FER1L5: variants seen among roughly 807,000 people sequenced by gnomAD.
FER1L5 encodes the protein fer-1-like protein 5.
A neutral mutation model predicts 279.9 loss-of-function variants in FER1L5; 187 were observed. The observed-to-expected ratio is 0.67, with a 90% confidence interval of 0.59 to 0.75. FER1L5 has a LOEUF of 0.75. FER1L5 is among the 30% of genes least tolerant of loss of function. The pLI is 0.00. For synonymous variants in FER1L5, 921 were observed against 989.7 expected (o/e 0.93, Z 1.30); for missense variants, 2,091 against 2,594.4 (o/e 0.81, Z 4.21).
intron 31 of FER1L5, 131 bp downstream of exon 31, chr2:96,692,312 C>T: frequency 3.2e-6 from 3 of 952,226 alleles, no homozygotes; most frequent in Admixed American, 2.1e-5. Context: ...CGGCCCCTCA[C>T]CAGCTGCAAG....
intron 39 of FER1L5, 52 bp downstream of exon 39, chr2:96,697,813 C>A (rs1036238935): frequency 6.3e-7 from 1 of 1,587,724 alleles, no homozygotes. Context: ...CTGGAGGAGG[C>A]CAGCAGAGCT....
chr2:96,699,724 A>C lies in FER1L5; in HGVS notation c.4781+4A>C, dbSNP rs2077520947. The stretch of plus-strand genomic sequence containing the variant: ...GGCTCTCCAAATCCTACTGCCAGTG[A>C]GAGTGGGCCCGTCTGGGGGAAGGGA... On this transcript the variant is annotated splice_donor_region_variant and intron_variant, in intron 43 of 52. Transcript: ENST00000624922. 6.2e-7 allele frequency: 1 copy of C among 1,613,654 alleles called. No homozygotes were observed. Among genetic ancestry groups the C allele is most frequent in the South Asian group, 1.1e-5 (1 of 91,080 alleles).
chr2:96,649,369 C>T (rs2075272481), intron 4 of FER1L5, among the ~76,000 whole-genome samples: 1 of 152,140 alleles, frequency 6.6e-6, no homozygotes, highest in Non-Finnish European at 1.5e-5. Flanking sequence ...CCTTTTCTGC[C>T]ACCATCACCA....
chr2:96,651,984 A>G lies in FER1L5; in HGVS notation c.597A>G (p.Thr199=). The G allele has an allele frequency of 6.4e-7, 1 of 1,551,834 alleles. No individual in the cohort carries two copies. The highest frequency in any genetic ancestry group is 1.2e-5 in the South Asian group (1 of 84,064). Residue 199 remains threonine, a synonymous_variant, in exon 7 of 53, where the codon ACA becomes ACG. Transcript: ENST00000624922. ...CCATCGCAGGCCAGCAGCACCAGAC[A>G]CGCATCAAGATGGGAAACAACCCTT... The part of the protein sequence containing the change: ...KVSIAGQQHQ[T]RIKMGNNPFF...
intron 9 of FER1L5, chr2:96,655,000 T>G (rs4907200): frequency 0.77 from 116,745 of 151,922 alleles, 46,075 homozygotes; most frequent in African/African-American, 0.94. Flanking sequence ...TTCCTCATCT[T>G]TAAAAGGGAG....
chr2:96,647,569 A>C (rs1162387158), intron 3 of FER1L5, among the ~76,000 whole-genome samples: 1 of 152,132 alleles, frequency 6.6e-6, no homozygotes, highest in African/African-American at 2.4e-5. Context: ...ATCAACTGTT[A>C]CTTGCCTCGG....
intron 19 of FER1L5, among the ~76,000 whole-genome samples, chr2:96,680,549 C>T (rs1455945917): frequency 2.0e-5 from 3 of 151,860 alleles, no homozygotes; most frequent in African/African-American, 7.3e-5. Context: ...CCTTAGGTGA[C>T]CATTCTATTT....
In FER1L5 at chr2:96,698,592, G is replaced by T; in HGVS notation, c.4357-79G>T. ...CCCAACCCTCTCTCTCCTGAACATG[G>T]GCTGGGGCACCTCCCAGAGGGCTTT... On this transcript the variant is annotated intron_variant, in intron 40 of 52. Coordinates refer to ENST00000624922, the MANE Select transcript of FER1L5 (RefSeq NM_001293083.2). The surrounding 1 kb of genome is among the most constrained non-coding windows in gnomAD (Gnocchi z 5.5). 2 of 1,248,004 alleles carry T rather than the reference G, an allele frequency of 1.6e-6. No individual in the cohort carries two copies. The highest frequency in any genetic ancestry group is 2.3e-6 in the Non-Finnish European group (2 of 887,320). The allele number at this position is 1,248,004 out of a possible 1,614,324, so 77.3% of individuals were successfully genotyped here. A position where few individuals can be genotyped will look rare whatever the true frequency, so the allele number is the denominator to read the frequency against.
chr2:96,698,721 C>G lies in FER1L5; in HGVS notation c.4407C>G (p.Pro1469=). Residue 1469 remains proline, a synonymous_variant, in exon 41 of 53, where the codon CCC becomes CCG. Transcript: ENST00000624922. This position sits in a 1 kb window ranked among gnomAD's most constrained non-coding sequence, Gnocchi z 5.5. ...CTGAGAATCCAGAAGCCCCAAAGCC[C>G]CCGCTGCAGTTCTTGGTTTGGCCAG... is the stretch of plus-strand genomic sequence containing the variant. ...PFPENPEAPK[P]PLQFLVWPER... 6.3e-7 allele frequency: 1 copy of G among 1,582,672 alleles called. No individual in the cohort carries two copies. Among genetic ancestry groups the G allele is most frequent in the East Asian group, 2.3e-5 (1 of 42,960 alleles).
chr2:96,653,766 C>A, intron 8 of FER1L5, 64 bp downstream of exon 8: 1 of 1,270,452 alleles, frequency 7.9e-7, no homozygotes, highest in Non-Finnish European at 1.1e-6. Context: ...CTGGGAAGCA[C>A]TACAGCTCCA....
chr2:96,691,908 CCA>C lies in FER1L5; in HGVS notation c.3160_3161del (p.Gln1054GlufsTer18). The part of the protein sequence containing the change: ...WGLDRQFRDP[Q>X]RQDTRPPNLP... Reference sequence around the variant, plus strand: ...GTCTGGACAGACAGTTCAGGGACCCCCAGAGGCAGGACACCCGGCCCCCCAAC... The same window carrying C: ...GTCTGGACAGACAGTTCAGGGACCCCGAGGCAGGACACCCGGCCCCCCAAC... On this transcript the variant is annotated frameshift_variant, in exon 30 of 53. Transcript: ENST00000624922. LOFTEE classifies it high-confidence loss of function. This position sits in a 1 kb window ranked among gnomAD's most constrained non-coding sequence, Gnocchi z 6.0. 2 of 1,551,196 alleles carry C rather than the reference CCA, an allele frequency of 1.3e-6. No homozygotes were observed. Among genetic ancestry groups the C allele is most frequent in the Non-Finnish European group, 1.7e-6 (2 of 1,146,936 alleles).
rs868815018 is a variant in FER1L5 at position 96,691,535 on chromosome 2, C to T, written c.2998C>T (p.Arg1000Cys). The change falls in exon 29 of 53, where the codon CGC (arginine) becomes TGC (cysteine). Residue 1000 changes from arginine (R) to cysteine (C), a missense_variant. Arg to Cys is a radical substitution (Grantham distance 180). Transcript: ENST00000624922. The surrounding 1 kb of genome is among the most constrained non-coding windows in gnomAD (Gnocchi z 6.0). ...CCCTCAGCCCCAGAGCCGGTTCCGC[C>T]GCCGCTGCTGGCGCCGCAGGCTGGC... ...LNPQPQSRFR[R>C]RCWRRRLAPN... 7.1e-6 allele frequency: 11 copies of T among 1,550,222 alleles called. No individual in the cohort carries two copies. The highest frequency in any genetic ancestry group is 1.7e-4 in the Middle Eastern group (1 of 5,986).
At chr2:96,656,156 T>G (rs2075589917) in intron 9 of FER1L5, among the ~76,000 whole-genome samples, 1 of 152,332 alleles carries the variant, frequency 6.6e-6, no homozygotes, top group Non-Finnish European at 1.5e-5. Flanking sequence ...GAATCAAATC[T>G]CAAGCATCAC....
Position 96,689,876 on chromosome 2 carries a change from G to GCA in FER1L5, c.2640+118_2640+119insCA. ...GAGCCCTATGCCCTGCACTATGTGTGGGGCCCCGGGTGAGCGCACCAGCCC... is the reference window on the plus strand; with the variant it reads ...GAGCCCTATGCCCTGCACTATGTGTGCAGGGCCCCGGGTGAGCGCACCAGCCC... On this transcript the variant is annotated intron_variant, in intron 26 of 52. Coordinates refer to ENST00000624922, the MANE Select transcript of FER1L5 (RefSeq NM_001293083.2). This position sits in a 1 kb window ranked among gnomAD's most constrained non-coding sequence, Gnocchi z 4.6. 2.4e-6 allele frequency: 2 copies of GCA among 840,678 alleles called. No individual in the cohort carries two copies. Among genetic ancestry groups the GCA allele is most frequent in the Non-Finnish European group, 3.7e-6 (2 of 547,240 alleles). The allele number at this position is 840,678 out of a possible 1,614,324, so 52.1% of individuals were successfully genotyped here.
chr2:96,650,375 G>A (rs2075311475), intron 6 of FER1L5, 86 bp downstream of exon 6: 1 of 1,126,282 alleles, frequency 8.9e-7, no homozygotes, highest in Admixed American at 2.1e-5. Context: ...CCCTCCCCAA[G>A]GTCATGGTAG....
chr2:96,668,831 G>A (rs2076219900), intron 15 of FER1L5, 37 bp downstream of exon 15: 3 of 1,551,678 alleles, frequency 1.9e-6, no homozygotes, highest in Non-Finnish European at 1.7e-6. Flanking sequence ...ACACAGGGAA[G>A]GAAGAAATGA....
intron 34 of FER1L5, 173 bp from the exon 35 acceptor site, chr2:96,695,336 C>A: frequency 2.4e-6 from 2 of 836,756 alleles, no homozygotes; most frequent in East Asian, 2.9e-5. Flanking sequence ...CCTCACAGGA[C>A]GGGGAAGCCT....
chr2:96,691,210 A>G lies in FER1L5; in HGVS notation c.2764A>G (p.Ile922Val). Residue 922 changes from isoleucine to valine, a missense_variant, in exon 28 of 53, where the codon ATC becomes GTC. Coordinates refer to ENST00000624922, the MANE Select transcript of FER1L5 (RefSeq NM_001293083.2). This position sits in a 1 kb window ranked among gnomAD's most constrained non-coding sequence, Gnocchi z 6.0. ...CGCAGGCTGGGAGTATGGAGTGGGG[A>G]TCCCACCGTCGGGCCTGCCCCAGGT... ...DSKGWEYGVG[I>V]PPSGLPQVWS... 6.5e-7 allele frequency: 1 copy of G among 1,549,634 alleles called. No individual in the cohort carries two copies. Among genetic ancestry groups the G allele is most frequent in the South Asian group, 1.2e-5 (1 of 83,936 alleles).
intron 2 of FER1L5, 87 bp from the exon 3 acceptor site, chr2:96,646,977 C>A: frequency 7.4e-7 from 1 of 1,350,704 alleles, no homozygotes; most frequent in Non-Finnish European, 1.0e-6. Flanking sequence ...GCAGTGCCAG[C>A]CCGTTCCCCA....
Sources: gnomAD v4.1 joint callset for allele counts (sites outside exome capture counted in the v4.1 genomes callset) on GRCh38, gnomAD v4.1.1 for gene constraint, Gnocchi (gnomAD v3.1) non-coding constraint, MANE v1.5 for transcripts, NCBI Gene and HGNC (gene_info 2026-07-23, HGNC 2026-07-21) for gene names.